BACH2: variants seen among roughly 807,000 people sequenced by gnomAD.
BACH2 encodes the protein BACH transcriptional regulator 2, also known as transcription regulator protein BACH2.
BACH2 carries 5 observed loss-of-function variants against 61.8 expected under a neutral mutation model. The ratio of observed to expected loss-of-function variants is 0.08; its 90% CI spans 0.04 to 0.17. The LOEUF (loss-of-function observed/expected upper bound fraction) is 0.17, where lower values mean the gene tolerates loss of function less well. Ranked by LOEUF, BACH2 falls within the 10% of genes least tolerant of loss-of-function variation. The pLI, the probability that BACH2 is intolerant of heterozygous loss-of-function variation, is 1.00. For synonymous variants in BACH2, 446 were observed against 440.1 expected, an observed-to-expected ratio of 1.01 and a Z score of -0.17; for missense variants, 824 against 1,091.1, an observed-to-expected ratio of 0.76 and a Z score of 3.45.
intron 7 of BACH2, among the ~76,000 whole-genome samples, chr6:89,946,766 A>C (rs956237780): frequency 6.6e-6 from 1 of 152,208 alleles, no homozygotes; most frequent in Non-Finnish European, 1.5e-5. Context: ...ATATTGTTGT[A>C]GGCAAAGAGA....
chr6:90,213,904 C>A (rs1762793580), intron 3 of BACH2, among the ~76,000 whole-genome samples: 1 of 152,094 alleles, frequency 6.6e-6, no homozygotes, highest in Admixed American at 6.5e-5. Flanking sequence ...ATATCTACTT[C>A]TCGCTTGGTC....
At chr6:90,161,233 GA>G (rs1785181866) in intron 4 of BACH2, among the ~76,000 whole-genome samples, 1 of 152,056 alleles carries the variant, frequency 6.6e-6, no homozygotes. Flanking sequence ...TAAAGTTTGG[GA>G]TTAAAAAAAG....
intron 4 of BACH2, among the ~76,000 whole-genome samples, chr6:90,126,090 G>A (rs967595181): frequency 1.3e-5 from 2 of 152,112 alleles, no homozygotes; most frequent in African/African-American, 4.8e-5. Flanking sequence ...GGTGGAATAA[G>A]GTCTTTAATA....
chr6:89,952,517 T>G (rs971725421), intron 6 of BACH2, among the ~76,000 whole-genome samples: 2 of 152,144 alleles, frequency 1.3e-5, no homozygotes, highest in Non-Finnish European at 2.9e-5. Flanking sequence ...TCAAAAGTGG[T>G]GTGCTCAAGA....
chr6:89,950,231 A>G lies in BACH2; in HGVS notation c.1836+39T>C. Reference sequence around the variant, plus strand: ...GGAGTAGTCCAGATAAAGGGCCTAGAGAGTGGGTCACATGCTTGAATTTAT... The same window carrying G: ...GGAGTAGTCCAGATAAAGGGCCTAGGGAGTGGGTCACATGCTTGAATTTAT... On this transcript the variant is annotated intron_variant, in intron 7 of 8. Transcript: ENST00000257749. This position sits in a 1 kb window ranked among gnomAD's most constrained non-coding sequence, Gnocchi z 5.3. The G allele has an allele frequency of 6.2e-7, 1 of 1,612,074 alleles. No homozygotes were observed. Among genetic ancestry groups the G allele is most frequent in the African/African-American group, 1.3e-5 (1 of 74,946 alleles).
At chr6:90,009,943 G>A (rs1416335840) in intron 5 of BACH2, among the ~76,000 whole-genome samples, 2 of 152,240 alleles carry the variant, frequency 1.3e-5, no homozygotes, top group Non-Finnish European at 2.9e-5. Flanking sequence ...GGGATTACAG[G>A]CGTGAGCCAC....
chr6:90,011,289 C>T (rs1366555523), intron 5 of BACH2, among the ~76,000 whole-genome samples: 1 of 152,160 alleles, frequency 6.6e-6, no homozygotes. Context: ...ATCATTCCCG[C>T]AGCATTGTTA....
At chr6:89,972,804 C>G (rs775072905) in intron 6 of BACH2, among the ~76,000 whole-genome samples, 1 of 151,986 alleles carries the variant, frequency 6.6e-6, no homozygotes, top group Admixed American at 6.6e-5. Flanking sequence ...TTAAAAAAAA[C>G]GACGGGCTGG....
At chr6:89,972,083 A>G (rs920452294) in intron 6 of BACH2, among the ~76,000 whole-genome samples, 1 of 152,204 alleles carries the variant, frequency 6.6e-6, no homozygotes, top group African/African-American at 2.4e-5. Context: ...AAGAGAGAAC[A>G]TAGCATGCAG....
At chr6:90,171,150 C>T (rs1012887618) in intron 4 of BACH2, among the ~76,000 whole-genome samples, 3 of 152,084 alleles carry the variant, frequency 2.0e-5, no homozygotes, top group Admixed American at 2.0e-4. Context: ...GTGGCTCACG[C>T]CTGTAATCCC....
chr6:90,024,464 T>C (rs1437318250), intron 5 of BACH2, among the ~76,000 whole-genome samples: 1 of 152,220 alleles, frequency 6.6e-6, no homozygotes, highest in Non-Finnish European at 1.5e-5. Flanking sequence ...GCAGTAAAAC[T>C]TTTTTCAGAG....
At chr6:90,226,233 T>C (rs1363791340) in intron 3 of BACH2, among the ~76,000 whole-genome samples, 1 of 152,218 alleles carries the variant, frequency 6.6e-6, no homozygotes, top group Non-Finnish European at 1.5e-5. Flanking sequence ...TGTGGAGCTA[T>C]GAAGGACTTT....
intron 5 of BACH2, among the ~76,000 whole-genome samples, chr6:90,038,265 C>T (rs961457240): frequency 6.6e-6 from 1 of 152,178 alleles, no homozygotes; most frequent in Non-Finnish European, 1.5e-5. Context: ...ATTCATGTAA[C>T]CACCACCCAA....
intron 6 of BACH2, among the ~76,000 whole-genome samples, chr6:89,989,471 G>A (rs1776420790): frequency 6.6e-6 from 1 of 152,040 alleles, no homozygotes; most frequent in African/African-American, 2.4e-5. Context: ...GGGAAGGGAG[G>A]GCATACAGAG....
chr6:90,016,604 T>C (rs1190595514), intron 5 of BACH2, among the ~76,000 whole-genome samples: 1 of 152,222 alleles, frequency 6.6e-6, no homozygotes, highest in African/African-American at 2.4e-5. Flanking sequence ...TACATTTTAC[T>C]TGTTACTTGT....
At chr6:90,023,353 T>C (rs1245123911) in intron 5 of BACH2, among the ~76,000 whole-genome samples, 2 of 151,982 alleles carry the variant, frequency 1.3e-5, no homozygotes, top group South Asian at 2.1e-4. Context: ...TAGTGAGTTA[T>C]CATAAGACGT....
At chr6:90,158,412 C>T (rs576189596) in intron 4 of BACH2, among the ~76,000 whole-genome samples, 4 of 151,714 alleles carry the variant, frequency 2.6e-5, no homozygotes, top group Non-Finnish European at 4.4e-5. Context: ...ACTATCTCAT[C>T]GAGAAGAAAG....
intron 4 of BACH2, among the ~76,000 whole-genome samples, chr6:90,160,458 T>A (rs1785152539): frequency 6.6e-6 from 1 of 152,208 alleles, no homozygotes; most frequent in African/African-American, 2.4e-5. Flanking sequence ...CACACAGTTA[T>A]CACTATGGAC....
At chr6:90,079,421 T>C (rs1415222848) in intron 5 of BACH2, among the ~76,000 whole-genome samples, 1 of 152,190 alleles carries the variant, frequency 6.6e-6, no homozygotes, top group Non-Finnish European at 1.5e-5. Flanking sequence ...AAACTGCATT[T>C]CAAATAAGGC....
Sources: allele counts gnomAD v4.1 joint callset (sites outside exome capture counted in the v4.1 genomes callset), GRCh38; gene constraint gnomAD v4.1.1; non-coding constraint Gnocchi (gnomAD v3.1); transcripts MANE v1.5; gene names NCBI Gene and HGNC (gene_info 2026-07-23, HGNC 2026-07-21).